Variants in VPS53 observed in about 807,000 individuals in gnomAD.
VPS53 encodes VPS53 subunit of GARP complex.
VPS53 carries 70 observed loss-of-function variants against 107.0 expected under a neutral mutation model. The observed-to-expected ratio is 0.65, with a 90% CI of 0.54 to 0.80. VPS53 has a LOEUF of 0.80. VPS53 is among the 30% of genes least tolerant of loss of function. The probability of loss-of-function intolerance (pLI) is 0.00; values close to 1 mark genes in which losing one functional copy is unlikely to be tolerated. For synonymous variants in VPS53, 409 were observed against 393.3 expected, an observed-to-expected ratio of 1.04 and a Z score of -0.47; for missense variants, 917 against 1,049.4, an observed-to-expected ratio of 0.87 and a Z score of 1.74.
rs541855403 is a variant in VPS53, at chr17:545,367, G to A, written c.1866+6505C>T. Among the ~76,000 whole-genome samples the A allele has an allele frequency of 4.6e-5, 7 of 152,148 alleles. No individual in the cohort carries two copies. The East Asian group carries it at 7.7e-4, about 17-fold the overall frequency. On this transcript the variant is annotated intron_variant, in intron 17 of 21. Coordinates refer to ENST00000437048, the MANE Select transcript of VPS53 (RefSeq NM_001128159.3). ...CCTTCATTCCCACATCTCTTCAATC[G>A]GCTCCAGGATGCCACCTGCTGAAGT... is the stretch of plus-strand genomic sequence containing the variant.
chr17:628,235 G>A lies in VPS53; in HGVS notation c.688-4C>T, dbSNP rs1481127454. 1 of 1,613,036 alleles carries A rather than the reference G, an allele frequency of 6.2e-7. No individual in the cohort carries two copies. Among genetic ancestry groups the A allele is most frequent in the Non-Finnish European group, 8.5e-7 (1 of 1,179,730 alleles). The stretch of plus-strand genomic sequence containing the variant: ...CATTGCTGGGTCCTCCTGGTCTCTA[G>A]TAAAACAAACATGTACCAGGTGAAA... On this transcript the variant is annotated splice_polypyrimidine_tract_variant and splice_region_variant and intron_variant, in intron 8 of 21. Coordinates refer to ENST00000437048, the MANE Select transcript of VPS53 (RefSeq NM_001128159.3).
At chr17:663,757 A>G (rs1345038099) in intron 4 of VPS53, among the ~76,000 whole-genome samples, 1 of 152,190 alleles carries the variant, frequency 6.6e-6, no homozygotes, top group Non-Finnish European at 1.5e-5. Flanking sequence ...CAATCACTCA[A>G]TGAGTATTTA....
At chr17:547,879 C>T (rs1277630036) in intron 17 of VPS53, among the ~76,000 whole-genome samples, 10 of 152,128 alleles carry the variant, frequency 6.6e-5, no homozygotes. Flanking sequence ...ATTTGCACTC[C>T]TCAGCCTCCC....
chr17:571,698 A>G lies in VPS53; in HGVS notation c.1314-8953T>C, dbSNP rs1914112551. ...CCTGCGATTGCAGGCGCGCGCTGCC[A>G]TGCCTGACTGGTTTTCGTATTTTTT... On this transcript the variant is annotated intron_variant, in intron 13 of 21. Coordinates refer to ENST00000437048, the MANE Select transcript of VPS53 (RefSeq NM_001128159.3). Among the ~76,000 whole-genome samples, 9 of 152,346 alleles carry G rather than the reference A, an allele frequency of 5.9e-5. No homozygotes were observed. In the South Asian group the frequency reaches 1.9e-3, roughly 32 times the overall value.
intron 7 of VPS53, among the ~76,000 whole-genome samples, chr17:633,119 A>G (rs1219707464): frequency 6.6e-6 from 1 of 152,214 alleles, no homozygotes; most frequent in African/African-American, 2.4e-5. Flanking sequence ...AAGGGCAGAA[A>G]GGAGAAGCGG....
At chr17:657,222 G>C in intron 5 of VPS53, 1 of 1,372,026 alleles carries the variant, frequency 7.3e-7, no homozygotes, top group South Asian at 1.2e-5. Flanking sequence ...TGCACAACTT[G>C]TACTTGGTCT....
chr17:687,215 G>C, intron 4 of VPS53, among the ~76,000 whole-genome samples: 1 of 151,606 alleles, frequency 6.6e-6, no homozygotes, highest in Non-Finnish European at 1.5e-5. Flanking sequence ...GAACCCAGGA[G>C]ACGGAGGTTG....
chr17:538,656 A>T (rs1025417458), intron 17 of VPS53: 3 of 152,248 alleles, frequency 2.0e-5, no homozygotes, highest in African/African-American at 7.2e-5. Context: ...ACAGAACCAC[A>T]GAAAAGCAGG....
At position 557,952 on chromosome 17, in the gene VPS53, C is replaced by G. The variant is rs192451793; in HGVS notation, c.1704+2474G>C. ...ATAGCTCACTGCAGCTTTGACCTCC[C>G]AGGCTCAAGCGATCCTCCAACCTCA... On this transcript the variant is annotated intron_variant, in intron 15 of 21. Coordinates refer to ENST00000437048, the MANE Select transcript of VPS53 (RefSeq NM_001128159.3). 9.6e-4 allele frequency among the ~76,000 whole-genome samples: 145 copies of G among 151,654 alleles called. 2 individuals carry two copies. The highest frequency in any genetic ancestry group is 3.4e-3 in the African/African-American group (142 of 41,354).
At chr17:630,182 T>C (rs1645104190) in intron 8 of VPS53, among the ~76,000 whole-genome samples, 1 of 151,758 alleles carries the variant, frequency 6.6e-6, no homozygotes, top group African/African-American at 2.4e-5. Context: ...TAATCCCAGC[T>C]ATTTGGGAGG....
chr17:579,486 C>T (rs1014220326), intron 13 of VPS53, among the ~76,000 whole-genome samples: 2 of 151,600 alleles, frequency 1.3e-5, no homozygotes, highest in African/African-American at 4.9e-5. Context: ...CCCTCAGAAC[C>T]TCAGTGCGTT....
In VPS53 at chr17:666,139, C is replaced by A. The variant is rs552394378; in HGVS notation, c.286-4244G>T. Among the ~76,000 whole-genome samples the A allele has an allele frequency of 7.9e-5, 12 of 152,200 alleles. No individual in the cohort carries two copies. In the East Asian group the frequency reaches 2.3e-3, roughly 29 times the overall value. On this transcript the variant is annotated intron_variant, in intron 4 of 21. Transcript: ENST00000437048. ...ATTACTTTAGAGATGATATGTAAGT[C>A]TGTAAGATTAGAAGTCACCTAGGAA... is the stretch of plus-strand genomic sequence containing the variant.
Position 518,808 on chromosome 17 carries a change from C to A in VPS53, c.*320G>T. ...AAAAAAAAAAAGGACGGGTGGGGCC[C>A]ACGTGTCAAGAGGGTGTGACTGCCA... On this transcript the variant is annotated 3_prime_UTR_variant, in exon 22 of 22. Coordinates refer to ENST00000437048, the MANE Select transcript of VPS53 (RefSeq NM_001128159.3). 4.1e-6 allele frequency: 1 copy of A among 242,080 alleles called. No individual in the cohort carries two copies. The highest frequency in any genetic ancestry group is 7.8e-6 in the Non-Finnish European group (1 of 128,402). The allele number at this position is 242,080 out of a possible 1,614,324, so 15.0% of individuals were successfully genotyped here. A position where few individuals can be genotyped will look rare whatever the true frequency, so the allele number is the denominator to read the frequency against.
intron 11 of VPS53, among the ~76,000 whole-genome samples, chr17:611,425 G>C (rs1968866232): frequency 6.6e-6 from 1 of 152,184 alleles, no homozygotes; most frequent in South Asian, 2.1e-4. Flanking sequence ...TATAATTAGG[G>C]GAACAAAGGA....
intron 11 of VPS53, among the ~76,000 whole-genome samples, chr17:612,737 C>T (rs1968949325): frequency 7.6e-6 from 1 of 131,524 alleles, no homozygotes; most frequent in Admixed American, 7.5e-5. Flanking sequence ...ACAGCGAAAA[C>T]CTGTACAGAT....
Position 714,631 on chromosome 17 carries a change from T to G in VPS53, c.79A>C (p.Ile27Leu), listed in dbSNP as rs200859444. Residue 27 changes from isoleucine to leucine, a missense_variant, in exon 1 of 22, where the codon ATC (isoleucine) becomes CTC (leucine). Transcript: ENST00000437048. ...AGGGGCGGAACGCTTACCTGCTCGA[T>G]GGCCAGCTGCACCTCGGGCGTGAGC... ...LQLTPEVQLAIEQVFPSQDPL... is the reference protein window; with the variant it reads ...LQLTPEVQLALEQVFPSQDPL... 1.9e-6 allele frequency: 3 copies of G among 1,611,962 alleles called. No individual in the cohort carries two copies. The highest frequency in any genetic ancestry group is 2.2e-5 in the South Asian group (2 of 91,010).
In VPS53 at chr17:702,885, C is replaced by T. The variant is rs952369923; in HGVS notation, c.169-3505G>A. Reference sequence around the variant, plus strand: ...CCTCTGCCAGGCGAGGCACACTTTTCTCCTCTTCAACGTTAAGATTGGGAA... The same window carrying T: ...CCTCTGCCAGGCGAGGCACACTTTTTTCCTCTTCAACGTTAAGATTGGGAA... On this transcript the variant is annotated intron_variant, in intron 2 of 21. Coordinates refer to ENST00000437048, the MANE Select transcript of VPS53 (RefSeq NM_001128159.3). 9.2e-5 allele frequency among the ~76,000 whole-genome samples: 14 copies of T among 152,002 alleles called. No homozygotes were observed. In the East Asian group the frequency reaches 2.5e-3, roughly 28 times the overall value.
intron 17 of VPS53, among the ~76,000 whole-genome samples, chr17:542,952 T>C (rs1196081174): frequency 6.7e-6 from 1 of 149,158 alleles, no homozygotes; most frequent in Non-Finnish European, 1.5e-5. Context: ...CACTCCAGCC[T>C]GCCGGATAGA....
rs1426525596 is a variant in VPS53 at position 700,281 on chromosome 17, G to A, written c.169-901C>T. On this transcript the variant is annotated intron_variant, in intron 2 of 21. Transcript: ENST00000437048. The stretch of plus-strand genomic sequence containing the variant: ...TCTTGGGCCGGGTGCAGTGGCTCAC[G>A]CCTGTAATCCCAGCACTTTGGGAGG... 4.6e-5 allele frequency among the ~76,000 whole-genome samples: 7 copies of A among 152,036 alleles called. No individual in the cohort carries two copies. The South Asian group carries it at 6.2e-4, about 14-fold the overall frequency.
Sources: gnomAD v4.1 joint callset for allele counts (sites outside exome capture counted in the v4.1 genomes callset) on GRCh38, gnomAD v4.1.1 for gene constraint, MANE v1.5 for transcripts, NCBI Gene and HGNC (gene_info 2026-07-23, HGNC 2026-07-21) for gene names.